CDC42SE2: variants seen among roughly 807,000 people sequenced by gnomAD.
CDC42SE2 encodes CDC42 small effector protein 2.
CDC42SE2 carries 3 observed loss-of-function variants against 11.5 expected under a neutral mutation model. That is an observed-to-expected ratio of 0.26 (90% CI 0.12 to 0.67). The LOEUF is 0.67. Ranked by LOEUF, CDC42SE2 falls within the 30% of genes least tolerant of loss-of-function variation. The pLI, the probability that CDC42SE2 is intolerant of heterozygous loss-of-function variation, is 0.80. For synonymous variants in CDC42SE2, 33 were observed against 34.8 expected, an observed-to-expected ratio of 0.95 and a Z score of 0.18; for missense variants, 82 against 106.8, an observed-to-expected ratio of 0.77 and a Z score of 1.02.
At chr5:131,266,410 C>G (rs1016681139) in intron 1 of CDC42SE2, among the ~76,000 whole-genome samples, 6 of 149,120 alleles carry the variant, frequency 4.0e-5, no homozygotes, top group Non-Finnish European at 8.9e-5. Flanking sequence ...TGTTTACATT[C>G]AAATAGAAGT....
Position 131,392,388 on chromosome 5 carries a change from A to AAATT in CDC42SE2, c.*1300_*1303dup. On this transcript the variant is annotated 3_prime_UTR_variant, in exon 5 of 5. Transcript: ENST00000505065. ...TCGGTAAGAGCCCATGGGATGCCAG[A>AAATT]AATTAACATTTCTTTGCTGCCATGG... The AAATT allele has an allele frequency of 6.5e-6, 1 of 152,784 alleles. No individual in the cohort carries two copies. The highest frequency in any genetic ancestry group is 1.9e-4 in the East Asian group (1 of 5,336). The allele number at this position is 152,784 out of a possible 1,614,324, so 9.5% of individuals were successfully genotyped here. A position where few individuals can be genotyped will look rare whatever the true frequency, so the allele number is the denominator to read the frequency against.
At chr5:131,232,082 G>A in the CDC42SE2 span, among the ~76,000 whole-genome samples, 2 of 151,278 alleles carry the variant, frequency 1.3e-5, no homozygotes, top group South Asian at 4.2e-4. Context: ...GAGCCACCAC[G>A]CCCACCCTAG....
intron 1 of CDC42SE2, among the ~76,000 whole-genome samples, chr5:131,269,477 TA>T (rs1217710467): frequency 1.3e-5 from 2 of 152,228 alleles, no homozygotes; most frequent in East Asian, 3.9e-4. Flanking sequence ...TACTAAAACA[TA>T]AAATTATTGG....
intron 2 of CDC42SE2, among the ~76,000 whole-genome samples, chr5:131,334,072 T>C (rs6896577): frequency 0.43 from 64,545 of 151,110 alleles, 17,678 homozygotes; most frequent in African/African-American, 0.78. Flanking sequence ...CCAGTTTTTA[T>C]CCATTCAGTA....
At chr5:131,273,478 A>G (rs1426608574) in intron 1 of CDC42SE2, among the ~76,000 whole-genome samples, 1 of 149,774 alleles carries the variant, frequency 6.7e-6, no homozygotes, top group East Asian at 2.0e-4. Context: ...TTAATTAAAA[A>G]ACTTTTTCTT....
chr5:131,358,528 C>A (rs1749618850), intron 2 of CDC42SE2, among the ~76,000 whole-genome samples: 2 of 152,174 alleles, frequency 1.3e-5, no homozygotes, highest in Non-Finnish European at 1.5e-5. Flanking sequence ...TGTCCAACTG[C>A]AGATAGAACA....
intron 1 of CDC42SE2, among the ~76,000 whole-genome samples, chr5:131,273,280 C>G (rs1438178054): frequency 6.7e-6 from 1 of 149,088 alleles, no homozygotes; most frequent in Non-Finnish European, 1.5e-5. Context: ...CTCAGCCTCC[C>G]GAGTACCTGG....
chr5:131,261,138 G>C (rs188004026), upstream of CDC42SE2, among the ~76,000 whole-genome samples: 597 of 152,298 alleles, frequency 3.9e-3, no homozygotes, highest in Non-Finnish European at 6.6e-3. Flanking sequence ...ACTTGTTATG[G>C]ACTAATAGGA....
At chr5:131,247,542 C>A (rs940293559) in intron 1 of CDC42SE2, among the ~76,000 whole-genome samples, 2 of 152,010 alleles carry the variant, frequency 1.3e-5, no homozygotes, top group African/African-American at 2.4e-5. Context: ...TCACTTGAAC[C>A]CGGGAGGTGG....
chr5:131,387,777 T>C (rs965543360), intron 4 of CDC42SE2, among the ~76,000 whole-genome samples: 2 of 152,184 alleles, frequency 1.3e-5, no homozygotes, highest in South Asian at 2.1e-4. Context: ...GATGGGACTT[T>C]AGCTGTGGTA....
At chr5:131,300,737 C>T (rs9327606) in intron 1 of CDC42SE2, among the ~76,000 whole-genome samples, 18,760 of 150,380 alleles carry the variant, frequency 0.12, 2,738 homozygotes, top group African/African-American at 0.35. Context: ...GAGCCGAGAT[C>T]GCGCCACTGC....
In CDC42SE2 at chr5:131,392,805, TTTC is replaced by T. The variant is rs1190526399; in HGVS notation, c.*1717_*1719del. ...GGTATCCAGTTGTTTCCAGTAGCAG[TTTC>T]TTGAACTTCTGGCCTGTACTACTAA... On this transcript the variant is annotated 3_prime_UTR_variant, in exon 5 of 5. Coordinates refer to ENST00000505065, the MANE Select transcript of CDC42SE2 (RefSeq NM_001375635.1). 1.3e-5 allele frequency: 2 copies of T among 152,376 alleles called. No homozygotes were observed. Among genetic ancestry groups the T allele is most frequent in the Non-Finnish European group, 2.9e-5 (2 of 68,042 alleles). 9.4% of individuals were successfully genotyped at this position (152,376 alleles called of 1,614,324 possible).
At chr5:131,241,968 A>G (rs1302225514), upstream of CDC42SE2, among the ~76,000 whole-genome samples, 1 of 152,164 alleles carries the variant, frequency 6.6e-6, no homozygotes, top group Non-Finnish European at 1.5e-5. Context: ...ATTTTTCACT[A>G]TCTTGCCACT....
intron 4 of CDC42SE2, among the ~76,000 whole-genome samples, chr5:131,387,380 C>T (rs1750518551): frequency 6.6e-6 from 1 of 152,056 alleles, no homozygotes; most frequent in South Asian, 2.1e-4. Flanking sequence ...GAAACCCTGT[C>T]TCTACCAAAA....
chr5:131,375,550 T>C (rs1300624461), intron 3 of CDC42SE2, among the ~76,000 whole-genome samples: 1 of 152,240 alleles, frequency 6.6e-6, no homozygotes, highest in Non-Finnish European at 1.5e-5. Flanking sequence ...GAGCTCCTTA[T>C]ATAAGCTCTG....
At chr5:131,337,690 C>T (rs367768950) in intron 2 of CDC42SE2, among the ~76,000 whole-genome samples, 42 of 152,312 alleles carry the variant, frequency 2.8e-4, no homozygotes, top group African/African-American at 8.2e-4. Context: ...CCCCCAGCCT[C>T]GCTGCTACTT....
chr5:131,355,179 T>C (rs1000364325), intron 2 of CDC42SE2, among the ~76,000 whole-genome samples: 4 of 152,198 alleles, frequency 2.6e-5, no homozygotes, highest in African/African-American at 7.2e-5. Context: ...CTCTTTATAA[T>C]ATATACTGTA....
At chr5:131,307,505 T>G (rs1757804345) in intron 1 of CDC42SE2, among the ~76,000 whole-genome samples, 2 of 152,124 alleles carry the variant, frequency 1.3e-5, no homozygotes, top group Admixed American at 6.6e-5. Flanking sequence ...TTTGCTATTG[T>G]GAATAATGCC....
chr5:131,247,007 G>A (rs750969206), intron 1 of CDC42SE2, among the ~76,000 whole-genome samples: 4 of 152,034 alleles, frequency 2.6e-5, no homozygotes, highest in Non-Finnish European at 4.4e-5. Context: ...GTCCCCCAAA[G>A]TGCTGGGATT....
Sources: allele counts gnomAD v4.1 joint callset (sites outside exome capture counted in the v4.1 genomes callset), GRCh38; gene constraint gnomAD v4.1.1; transcripts MANE v1.5; gene names NCBI Gene and HGNC (gene_info 2026-07-23, HGNC 2026-07-21).